DNMT1: variants seen among roughly 807,000 people sequenced by gnomAD.
DNMT1 encodes DNA (cytosine-5)-methyltransferase 1.
Under a neutral mutation model 205.3 loss-of-function variants are expected in DNMT1, and 24 were observed. The observed-to-expected ratio is 0.12, with a 90% CI of 0.08 to 0.16. The LOEUF (loss-of-function observed/expected upper bound fraction) is 0.16, where lower values mean the gene tolerates loss of function less well. DNMT1 is among the 10% of genes least tolerant of loss of function. The pLI is 1.00. For missense variants in DNMT1, 1,293 were observed against 2,177.7 expected (o/e 0.59, Z 8.09); for synonymous variants, 817 against 839.8 (o/e 0.97, Z 0.47).
In DNMT1 at chr19:10,146,327, C is replaced by T. The variant is rs373005554; in HGVS notation, c.2894+24G>A. 2.1e-5 allele frequency: 34 copies of T among 1,612,942 alleles called. No individual in the cohort carries two copies. The highest frequency in any genetic ancestry group is 2.4e-5 in the Non-Finnish European group (28 of 1,179,720). ...GGCTCAGCCTGGAGCGCCCTGGCCC[C>T]GGCTGCTCCGAGGGGGCACTTACTT... On this transcript the variant is annotated intron_variant, in intron 28 of 40. Transcript: ENST00000359526. The surrounding 1 kb of genome is among the most constrained non-coding windows in gnomAD (Gnocchi z 4.4).
chr19:10,192,558 C>T (rs748921642), intron 1 of DNMT1, among the ~76,000 whole-genome samples: 14 of 151,318 alleles, frequency 9.3e-5, no homozygotes, highest in Non-Finnish European at 1.3e-4. Context: ...GGCCAGGAAT[C>T]GAAGACCAGC....
intron 9 of DNMT1, among the ~76,000 whole-genome samples, chr19:10,171,788 G>C (rs1265837188): frequency 2.0e-5 from 3 of 150,918 alleles, no homozygotes; most frequent in African/African-American, 7.3e-5. Flanking sequence ...CTGGGCGACA[G>C]AGCGAGACTC....
In DNMT1 at chr19:10,138,366, G is replaced by C; in HGVS notation, c.4115+73C>G. The C allele has an allele frequency of 1.2e-6, 2 of 1,606,450 alleles. No homozygotes were observed. The highest frequency in any genetic ancestry group is 2.7e-5 in the African/African-American group (2 of 74,980). ...TCCTCTCCTCCCCAAGCCTCACCAG[G>C]GAGTACTCACGGGCCCCATGAGCTA... On this transcript the variant is annotated intron_variant, in intron 35 of 40. Transcript: ENST00000359526. This position sits in a 1 kb window ranked among gnomAD's most constrained non-coding sequence, Gnocchi z 4.1.
At chr19:10,184,664 G>C (rs1418525762) in intron 1 of DNMT1, 1 of 152,166 alleles carries the variant, frequency 6.6e-6, no homozygotes, top group Admixed American at 6.6e-5. Flanking sequence ...AAAAATAAAG[G>C]AACAAGAAGA....
Position 10,140,190 on chromosome 19 carries a change from TTGG to T in DNMT1, c.3659_3661del (p.Thr1220del). 6.2e-7 allele frequency: 1 copy of T among 1,613,794 alleles called. No homozygotes were observed. The highest frequency in any genetic ancestry group is 8.5e-7 in the Non-Finnish European group (1 of 1,179,988). ...CTGGGGCAGCCGCTGGCCGCGGGAGTTGGTGGTCTCCCCAGCCATGACCAGCTT... is the reference window on the plus strand; with the variant it reads ...CTGGGGCAGCCGCTGGCCGCGGGAGTTGGTCTCCCCAGCCATGACCAGCTT... On this transcript the variant is annotated inframe_deletion, in exon 33 of 41. Transcript: ENST00000359526. This position sits in a 1 kb window ranked among gnomAD's most constrained non-coding sequence, Gnocchi z 8.4.
At chr19:10,171,720 G>C (rs184338823) in intron 9 of DNMT1, among the ~76,000 whole-genome samples, 15 of 151,818 alleles carry the variant, frequency 9.9e-5, no homozygotes, top group African/African-American at 3.4e-4. Flanking sequence ...CAGGAGAATG[G>C]TGTGAACCCA....
intron 2 of DNMT1, among the ~76,000 whole-genome samples, chr19:10,181,527 T>A (rs1568255055): frequency 8.8e-6 from 1 of 113,372 alleles, no homozygotes. Flanking sequence ...GGAACTGAGA[T>A]TGGTTAAAAA....
At position 10,163,350 on chromosome 19, in the gene DNMT1, T is replaced by C. The variant is rs765923835; in HGVS notation, c.902A>G (p.Lys301Arg). 13 of 1,613,916 alleles carry C rather than the reference T, an allele frequency of 8.1e-6. No individual in the cohort carries two copies. The South Asian group carries it at 1.3e-4, about 16-fold the overall frequency. ...DEDGDEKDEK[K>R]HRSQPKDLAA... ...CAGATCTTTGGGTTGACTTCTGTGC[T>C]TCTTCTCATCCTGACAGAAAAATAA... Residue 301 changes from lysine to arginine, a missense_variant, in exon 12 of 41, where the codon AAG (lysine) becomes AGG (arginine). Around this residue, in one of 13 missense-constraint regions of DNMT1, gnomAD observed 394 missense variants for 451.6 expected, o/e 0.87. Transcript: ENST00000359526.
In DNMT1 at chr19:10,194,943, C is replaced by G. The variant is rs755440003; in HGVS notation, c.-44G>C. 3.8e-6 allele frequency: 6 copies of G among 1,570,892 alleles called. No individual in the cohort carries two copies. The highest frequency in any genetic ancestry group is 5.2e-6 in the Non-Finnish European group (6 of 1,160,014). On this transcript the variant is annotated 5_prime_UTR_variant, in exon 1 of 41. Coordinates refer to ENST00000359526, the MANE Select transcript of DNMT1 (RefSeq NM_001130823.3). ...CGCGGCGGCGGCAGCGCAGGCGCCC[C>G]GGCTTTTCGCGCGGAAACCGATGGG...
intron 11 of DNMT1, 96 bp from the exon 12 acceptor site, chr19:10,163,456 G>T (rs1013979671): frequency 7.7e-7 from 1 of 1,306,088 alleles, no homozygotes; most frequent in Non-Finnish European, 1.1e-6. Flanking sequence ...GAAGTTACAG[G>T]TTAGGGATCC....
chr19:10,137,055 C>A lies in DNMT1; in HGVS notation c.4489+30G>T. On this transcript the variant is annotated intron_variant, in intron 37 of 40. Transcript: ENST00000359526. The surrounding 1 kb of genome is among the most constrained non-coding windows in gnomAD (Gnocchi z 6.4). ...GGGCTCTGCCTTCCTTCCCCTCAGC[C>A]CACCGGGAACCACAACTTACAGGAC... 6.2e-7 allele frequency: 1 copy of A among 1,604,768 alleles called. No individual in the cohort carries two copies. The highest frequency in any genetic ancestry group is 8.5e-7 in the Non-Finnish European group (1 of 1,176,326).
In DNMT1 at chr19:10,156,678, C is replaced by T. The variant is rs563865233; in HGVS notation, c.1281-169G>A. ...TATCCCTCAGGCTGGAGCGCGATGGCATAATCTTGGCTCACTGCAGCCTCC... is the reference window on the plus strand; with the variant it reads ...TATCCCTCAGGCTGGAGCGCGATGGTATAATCTTGGCTCACTGCAGCCTCC... On this transcript the variant is annotated intron_variant, in intron 17 of 40. Coordinates refer to ENST00000359526, the MANE Select transcript of DNMT1 (RefSeq NM_001130823.3). The surrounding 1 kb of genome is among the most constrained non-coding windows in gnomAD (Gnocchi z 4.2). Among the ~76,000 whole-genome samples, 1 of 152,248 alleles carries T rather than the reference C, an allele frequency of 6.6e-6. No homozygotes were observed. Among genetic ancestry groups the T allele is most frequent in the African/African-American group, 2.4e-5 (1 of 41,546 alleles).
At chr19:10,149,818 G>A (rs2038298109) in intron 25 of DNMT1, 35 bp downstream of exon 25, 2 of 1,610,082 alleles carry the variant, frequency 1.2e-6, no homozygotes, top group Admixed American at 3.3e-5. Flanking sequence ...ATGAGAAAGT[G>A]CATGCAGAAG....
chr19:10,188,503 G>A (rs1184041955), intron 1 of DNMT1, among the ~76,000 whole-genome samples: 1 of 152,182 alleles, frequency 6.6e-6, no homozygotes, highest in Non-Finnish European at 1.5e-5. Context: ...TCATGCCACT[G>A]CACTCCAGCC....
Position 10,136,481 on chromosome 19 carries a change from G to A in DNMT1, c.4490-194C>T, listed in dbSNP as rs375799342. On this transcript the variant is annotated intron_variant, in intron 37 of 40. Coordinates refer to ENST00000359526, the MANE Select transcript of DNMT1 (RefSeq NM_001130823.3). ...TTATATGTCTCGCTCTGTTGCCCAGGCTGGAGTGCAATGGCATGATCTTGG... is the reference window on the plus strand; with the variant it reads ...TTATATGTCTCGCTCTGTTGCCCAGACTGGAGTGCAATGGCATGATCTTGG... Among the ~76,000 whole-genome samples, 110 of 152,318 alleles carry A rather than the reference G, an allele frequency of 7.2e-4. 1 individual carries two copies. Among genetic ancestry groups the A allele is most frequent in the African/African-American group, 2.2e-3 (91 of 41,560 alleles).
chr19:10,151,271 G>T lies in DNMT1; in HGVS notation c.2265+127C>A, dbSNP rs2038336450. 7.1e-7 allele frequency: 1 copy of T among 1,400,826 alleles called. No individual in the cohort carries two copies. The highest frequency in any genetic ancestry group is 1.0e-6 in the Non-Finnish European group (1 of 1,003,498). 86.8% of individuals were successfully genotyped at this position (1,400,826 alleles called of 1,614,324 possible). Reference sequence around the variant, plus strand: ...CTTGGCCAGTCCCGCTCTTCTCAGGGGCAAACAGACAGGTTTCTTAGTGCC... The same window carrying T: ...CTTGGCCAGTCCCGCTCTTCTCAGGTGCAAACAGACAGGTTTCTTAGTGCC... On this transcript the variant is annotated intron_variant, in intron 24 of 40. Coordinates refer to ENST00000359526, the MANE Select transcript of DNMT1 (RefSeq NM_001130823.3). This position sits in a 1 kb window ranked among gnomAD's most constrained non-coding sequence, Gnocchi z 5.0.
chr19:10,138,126 G>T lies in DNMT1; in HGVS notation c.4116-117C>A. The T allele has an allele frequency of 7.7e-7, 1 of 1,294,674 alleles. No individual in the cohort carries two copies. The highest frequency in any genetic ancestry group is 1.1e-6 in the Non-Finnish European group (1 of 927,722). 80.2% of individuals were successfully genotyped at this position (1,294,674 alleles called of 1,614,324 possible). On this transcript the variant is annotated intron_variant, in intron 35 of 40. Transcript: ENST00000359526. The surrounding 1 kb of genome is among the most constrained non-coding windows in gnomAD (Gnocchi z 4.1). The stretch of plus-strand genomic sequence containing the variant: ...TTCTCCCGAGATCACAGCACTGCCC[G>T]AGGTCACATGGGTGGCAGTGTGCCT...
chr19:10,189,371 T>C (rs2039257126), intron 1 of DNMT1, among the ~76,000 whole-genome samples: 3 of 152,004 alleles, frequency 2.0e-5, no homozygotes, highest in African/African-American at 7.2e-5. Context: ...TCTGCCCACC[T>C]TGGCCTCCCA....
chr19:10,183,499 C>T (rs1191758665), intron 1 of DNMT1, among the ~76,000 whole-genome samples: 1 of 152,150 alleles, frequency 6.6e-6, no homozygotes, highest in African/African-American at 2.4e-5. Context: ...GCGAGCGGAT[C>T]ACTTGAGCCC....
Sources: allele counts gnomAD v4.1 joint callset (sites outside exome capture counted in the v4.1 genomes callset), GRCh38; gene constraint gnomAD v4.1.1; regional missense constraint gnomAD v4.1.1; non-coding constraint Gnocchi (gnomAD v3.1); transcripts MANE v1.5; gene names NCBI Gene and HGNC (gene_info 2026-07-23, HGNC 2026-07-21).